PRR16: variants seen among roughly 807,000 people sequenced by gnomAD.
PRR16 encodes the protein protein Largen.
A neutral mutation model predicts 18.2 loss-of-function variants in PRR16; 6 were observed. The ratio of observed to expected loss-of-function variants is 0.33; its 90% confidence interval spans 0.18 to 0.65. PRR16 has a LOEUF of 0.65. Among genes scored for constraint, PRR16 ranks in the 30% least tolerant of loss-of-function variants. The pLI is 0.74. For synonymous variants in PRR16, 151 were observed against 147.8 expected, an observed-to-expected ratio of 1.02 and a Z score of -0.16; for missense variants, 412 against 376.6, an observed-to-expected ratio of 1.09 and a Z score of -0.78.
chr5:120,603,911 A>G (rs1754066288), intron 1 of PRR16, among the ~76,000 whole-genome samples: 1 of 151,956 alleles, frequency 6.6e-6, no homozygotes, highest in South Asian at 2.1e-4. Context: ...GCCGTAGTCT[A>G]AGAGTGTTCT....
chr5:120,528,293 C>G (rs1751433870), intron 1 of PRR16, among the ~76,000 whole-genome samples: 1 of 152,124 alleles, frequency 6.6e-6, no homozygotes, highest in Non-Finnish European at 1.5e-5. Flanking sequence ...GAGGAAGACA[C>G]AGAGCAATAG....
intron 1 of PRR16, among the ~76,000 whole-genome samples, chr5:120,577,947 A>G (rs186328352): frequency 5.8e-4 from 88 of 152,328 alleles, no homozygotes; most frequent in Middle Eastern, 3.4e-3. Flanking sequence ...CACTTTCGGA[A>G]TCCAGAGATC....
intron 1 of PRR16, among the ~76,000 whole-genome samples, chr5:120,578,728 A>G (rs978215209): frequency 1.3e-5 from 2 of 152,170 alleles, no homozygotes; most frequent in Non-Finnish European, 2.9e-5. Flanking sequence ...GTGTCTTTAT[A>G]GTAGAATGAT....
intron 1 of PRR16, among the ~76,000 whole-genome samples, chr5:120,606,013 G>A (rs546437733): frequency 6.6e-6 from 1 of 152,164 alleles, no homozygotes; most frequent in Non-Finnish European, 1.5e-5. Flanking sequence ...ACAGAGGCAG[G>A]GGGGATGCAG....
At chr5:120,697,751 C>T in the PRR16 span, among the ~76,000 whole-genome samples, 1 of 151,574 alleles carries the variant, frequency 6.6e-6, no homozygotes, top group East Asian at 1.9e-4. Context: ...GTGGGGGTCG[C>T]AAGGTGCTCA....
chr5:120,765,548 C>A, the PRR16 span, among the ~76,000 whole-genome samples: 2 of 151,932 alleles, frequency 1.3e-5, no homozygotes, highest in Admixed American at 6.6e-5. Flanking sequence ...AAAAAGTATT[C>A]TTTAATACAA....
intron 1 of PRR16, among the ~76,000 whole-genome samples, chr5:120,637,915 C>G (rs928699310): frequency 1.3e-5 from 2 of 152,052 alleles, no homozygotes. Context: ...TAATAGTAAC[C>G]TTTTGTAAAA....
intron 1 of PRR16, among the ~76,000 whole-genome samples, chr5:120,669,820 A>C (rs1756533601): frequency 6.6e-6 from 1 of 152,080 alleles, no homozygotes; most frequent in Non-Finnish European, 1.5e-5. Context: ...TGATTTTTTA[A>C]AGTAATAATT....
At chr5:120,585,375 TG>T (rs1478945608) in intron 1 of PRR16, among the ~76,000 whole-genome samples, 6 of 151,876 alleles carry the variant, frequency 4.0e-5, no homozygotes, top group Non-Finnish European at 8.8e-5. Context: ...TTTGGGAGGC[TG>T]AGATGGGCAG....
intron 1 of PRR16, among the ~76,000 whole-genome samples, chr5:120,637,087 C>T (rs756064322): frequency 5.3e-5 from 8 of 151,896 alleles, no homozygotes; most frequent in Admixed American, 2.6e-4. Flanking sequence ...AATGCCATAC[C>T]AGCTCACTCC....
chr5:120,654,536 A>G (rs1452978136), intron 1 of PRR16, among the ~76,000 whole-genome samples: 4 of 151,834 alleles, frequency 2.6e-5, no homozygotes, highest in Admixed American at 1.3e-4. Flanking sequence ...AAATTCAGAG[A>G]TACATTGAAA....
the PRR16 span, among the ~76,000 whole-genome samples, chr5:120,699,538 A>T: frequency 6.6e-6 from 1 of 152,182 alleles, no homozygotes; most frequent in Non-Finnish European, 1.5e-5. Flanking sequence ...TAGCTGAAGG[A>T]GCCAGGAAGC....
At chr5:120,684,286 C>G (rs1399445349) in intron 1 of PRR16, among the ~76,000 whole-genome samples, 1 of 152,148 alleles carries the variant, frequency 6.6e-6, no homozygotes, top group African/African-American at 2.4e-5. Flanking sequence ...CATCCAAAGA[C>G]TGAGCCCTGG....
chr5:120,688,241 T>G (rs1372847552), downstream of PRR16, among the ~76,000 whole-genome samples: 1 of 152,128 alleles, frequency 6.6e-6, no homozygotes, highest in Non-Finnish European at 1.5e-5. Flanking sequence ...AAAAAGAAAA[T>G]AGGCCTTATT....
At position 120,602,850 on chromosome 5, in the gene PRR16, GT is replaced by G. The variant is rs553699966; in HGVS notation, c.160-83103del. ...GTGGTTTATATTTTTAGTTCTGTTTGTGTGATGAATTACATTTACTGATTTT... is the reference window on the plus strand; with the variant it reads ...GTGGTTTATATTTTTAGTTCTGTTTGGTGATGAATTACATTTACTGATTTT... On this transcript the variant is annotated intron_variant, in intron 1 of 1. Coordinates refer to ENST00000407149, the MANE Select transcript of PRR16 (RefSeq NM_001300783.2). 1.4e-3 allele frequency among the ~76,000 whole-genome samples: 211 copies of G among 152,036 alleles called. 1 individual carries two copies. The highest frequency in any genetic ancestry group is 4.8e-3 in the African/African-American group (198 of 41,526).
chr5:120,541,805 C>G (rs866888165), intron 1 of PRR16, among the ~76,000 whole-genome samples: 35 of 152,156 alleles, frequency 2.3e-4, no homozygotes, highest in Middle Eastern at 3.4e-3. Context: ...CTTAAATAGG[C>G]TTTGTGGAAT....
At chr5:120,745,916 G>T in the PRR16 span, among the ~76,000 whole-genome samples, 3 of 147,762 alleles carry the variant, frequency 2.0e-5, no homozygotes, top group Non-Finnish European at 4.5e-5. Flanking sequence ...TGTTAGCCAG[G>T]CTGTGAAACT....
At chr5:120,480,018 T>C (rs1002731961) in intron 1 of PRR16, among the ~76,000 whole-genome samples, 1 of 152,234 alleles carries the variant, frequency 6.6e-6, no homozygotes, top group Non-Finnish European at 1.5e-5. Flanking sequence ...AAACTAGACA[T>C]ACACCCTGTA....
intron 1 of PRR16, among the ~76,000 whole-genome samples, chr5:120,538,510 T>G (rs943508577): frequency 2.0e-5 from 3 of 152,218 alleles, no homozygotes; most frequent in Non-Finnish European, 4.4e-5. Context: ...ATTTCGAACT[T>G]ACAAACATTA....
Sources: gnomAD v4.1 joint callset for allele counts (sites outside exome capture counted in the v4.1 genomes callset) on GRCh38, gnomAD v4.1.1 for gene constraint, MANE v1.5 for transcripts, NCBI Gene and HGNC (gene_info 2026-07-23, HGNC 2026-07-21) for gene names.